The following FBH1 variants were observed in gnomAD, a reference collection of about 807,000 sequenced individuals.
FBH1 encodes the protein DNA 3'-5' helicase 1.
FBH1 carries 43 observed loss-of-function variants against 115.5 expected under a neutral mutation model. The ratio of observed to expected loss-of-function variants is 0.37; its 90% confidence interval spans 0.29 to 0.48. The LOEUF (loss-of-function observed/expected upper bound fraction) is 0.48. Among genes scored for constraint, FBH1 ranks in the 20% least tolerant of loss-of-function variants. The probability of loss-of-function intolerance (pLI) is 0.99; values close to 1 mark genes in which losing one functional copy is unlikely to be tolerated. For synonymous variants in FBH1, 524 were observed against 507.8 expected (o/e 1.03, Z -0.43); for missense variants, 1,001 against 1,337.3 (o/e 0.75, Z 3.92).
At position 5,936,439 on chromosome 10, in the gene FBH1, C is replaced by T. The variant is rs748973372; in HGVS notation, c.2830-17C>T. ...GAGGTGTCGCCATGACTCTCTTTCT[C>T]GCTCTTTCTTTCTCAGGAGTACTTC... is the stretch of plus-strand genomic sequence containing the variant. On this transcript the variant is annotated splice_polypyrimidine_tract_variant and intron_variant, in intron 19 of 20. Transcript: ENST00000362091. This position sits in a 1 kb window ranked among gnomAD's most constrained non-coding sequence, Gnocchi z 5.6. The T allele has an allele frequency of 5.0e-6, 8 of 1,612,172 alleles. No homozygotes were observed. The highest frequency in any genetic ancestry group is 1.1e-5 in the South Asian group (1 of 90,950).
At chr10:5,907,054 CCA>C (rs1843738973) in intron 3 of FBH1, among the ~76,000 whole-genome samples, 1 of 152,108 alleles carries the variant, frequency 6.6e-6, no homozygotes, top group Non-Finnish European at 1.5e-5. Context: ...CCTCTGCCTC[CCA>C]GGTTCAAGTG....
intron 1 of FBH1, chr10:5,893,835 G>C (rs1842865273): frequency 4.1e-6 from 1 of 244,368 alleles, no homozygotes; most frequent in Non-Finnish European, 6.6e-6. Flanking sequence ...AGTTTAAAAT[G>C]AATCTGGGAC....
chr10:5,907,833 G>A (rs977716608), intron 3 of FBH1, among the ~76,000 whole-genome samples: 1 of 152,154 alleles, frequency 6.6e-6, no homozygotes, highest in Non-Finnish European at 1.5e-5. Context: ...TTCTGCTATT[G>A]ATTTCTGGTT....
Position 5,923,599 on chromosome 10 carries a change from T to C in FBH1, c.2323-22T>C. 6.3e-7 allele frequency: 1 copy of C among 1,596,742 alleles called. No homozygotes were observed. ...ACAAAAAACAACAAAAAAACAAAAATCCCACCAAAAAACTTTTTCAGGGGA... is the reference window on the plus strand; with the variant it reads ...ACAAAAAACAACAAAAAAACAAAAACCCCACCAAAAAACTTTTTCAGGGGA... On this transcript the variant is annotated intron_variant, in intron 15 of 20. Coordinates refer to ENST00000362091, the MANE Select transcript of FBH1 (RefSeq NM_178150.3). The surrounding 1 kb of genome is among the most constrained non-coding windows in gnomAD (Gnocchi z 5.7).
Position 5,918,312 on chromosome 10 carries a change from G to A in FBH1, c.1964-30G>A, listed in dbSNP as rs776856720. On this transcript the variant is annotated intron_variant, in intron 12 of 20. Coordinates refer to ENST00000362091, the MANE Select transcript of FBH1 (RefSeq NM_178150.3). This position sits in a 1 kb window ranked among gnomAD's most constrained non-coding sequence, Gnocchi z 4.0. ...TGCTGCCTGGGGTGGAGGCCTCAAG[G>A]TTTCTCACTTTTCCTCTCGTTGGTT... The A allele has an allele frequency of 6.2e-7, 1 of 1,603,802 alleles. No homozygotes were observed. Among genetic ancestry groups the A allele is most frequent in the Non-Finnish European group, 8.5e-7 (1 of 1,177,520 alleles).
chr10:5,895,887 G>T lies in FBH1; in HGVS notation c.1+5541G>T, dbSNP rs1038674021. On this transcript the variant is annotated intron_variant, in intron 1 of 20. Coordinates refer to ENST00000362091, the MANE Select transcript of FBH1 (RefSeq NM_178150.3). This position sits in a 1 kb window ranked among gnomAD's most constrained non-coding sequence, Gnocchi z 5.0. The stretch of plus-strand genomic sequence containing the variant: ...GCGGTAAGGCGACATCCACCTGCAC[G>T]CAGGACTGGGAAGTATAGCCCAGCT... 1.4e-4 allele frequency among the ~76,000 whole-genome samples: 22 copies of T among 152,300 alleles called. No individual in the cohort carries two copies. Among genetic ancestry groups the T allele is most frequent in the African/African-American group, 5.1e-4 (21 of 41,558 alleles).
In FBH1 at chr10:5,906,295, G is replaced by T. The variant is rs1368233626; in HGVS notation, c.416G>T (p.Arg139Leu). 1.9e-6 allele frequency: 3 copies of T among 1,614,098 alleles called. No individual in the cohort carries two copies. Among genetic ancestry groups the T allele is most frequent in the Admixed American group, 3.3e-5 (2 of 60,012 alleles). Residue 139 changes from arginine (R) to leucine (L), a missense_variant, in exon 3 of 21, where the codon CGG becomes CTG. By Grantham distance (102) the Arg-to-Leu change is moderately radical. Coordinates refer to ENST00000362091, the MANE Select transcript of FBH1 (RefSeq NM_178150.3). This position sits in a 1 kb window ranked among gnomAD's most constrained non-coding sequence, Gnocchi z 7.3. ...EESNQATGTS[R>L]WDGVSKKAPR... ...AGTAACCAGGCTACCGGGACCAGCCGGTGGGATGGAGTTTCTAAGAAAGCT... is the reference window on the plus strand; with the variant it reads ...AGTAACCAGGCTACCGGGACCAGCCTGTGGGATGGAGTTTCTAAGAAAGCT...
chr10:5,915,817 A>T lies in FBH1; in HGVS notation c.1565+246A>T, dbSNP rs569545804. ...GTGTTCTCATGGAAGTGAGGCACAG[A>T]AAGTCAAAATGACTTGCTTAAAGTT... On this transcript the variant is annotated intron_variant, in intron 9 of 20. Coordinates refer to ENST00000362091, the MANE Select transcript of FBH1 (RefSeq NM_178150.3). The surrounding 1 kb of genome is among the most constrained non-coding windows in gnomAD (Gnocchi z 5.2). 190 of 529,742 alleles carry T rather than the reference A, an allele frequency of 3.6e-4. 2 individuals are homozygous for T. In the South Asian group the frequency reaches 4.3e-3, roughly 12 times the overall value. 32.8% of individuals were successfully genotyped at this position (529,742 alleles called of 1,614,324 possible).
In FBH1 at chr10:5,932,494, C is replaced by CAGA. The variant is rs1833021916; in HGVS notation, c.2830-3962_2830-3961insAGA. On this transcript the variant is annotated intron_variant, in intron 19 of 20. Transcript: ENST00000362091. The surrounding 1 kb of genome is among the most constrained non-coding windows in gnomAD (Gnocchi z 5.9). ...TCTTTATCAGCTCACAGAGCTCTCT[C>CAGA]GCCTCTTGGTCAGCTGCATAGTGTT... Among the ~76,000 whole-genome samples the CAGA allele has an allele frequency of 6.6e-6, 1 of 152,188 alleles. No individual in the cohort carries two copies. Among genetic ancestry groups the CAGA allele is most frequent in the African/African-American group, 2.4e-5 (1 of 41,446 alleles).
chr10:5,923,225 C>G lies in FBH1; in HGVS notation c.2323-396C>G, dbSNP rs895635521. 2.6e-5 allele frequency among the ~76,000 whole-genome samples: 4 copies of G among 152,162 alleles called. No homozygotes were observed. Among genetic ancestry groups the G allele is most frequent in the African/African-American group, 9.7e-5 (4 of 41,442 alleles). On this transcript the variant is annotated intron_variant, in intron 15 of 20. Transcript: ENST00000362091. This position sits in a 1 kb window ranked among gnomAD's most constrained non-coding sequence, Gnocchi z 5.7. ...AAGAAACAGTGGTAAATGTGCATAC[C>G]CAGCACTTTGTATTCAGGTGCCATT... is the stretch of plus-strand genomic sequence containing the variant.
rs751608992 is a variant in FBH1 at position 5,909,323 on chromosome 10, G to A, written c.1020+29G>A. The A allele has an allele frequency of 1.3e-6, 2 of 1,593,834 alleles. No homozygotes were observed. Among genetic ancestry groups the A allele is most frequent in the South Asian group, 2.2e-5 (2 of 90,034 alleles). The stretch of plus-strand genomic sequence containing the variant: ...GGTCTGGAGGCTGCGGGAGAAGGCG[G>A]CATGTTATTTCACTGGAGGAAAGTG... On this transcript the variant is annotated intron_variant, in intron 5 of 20. Coordinates refer to ENST00000362091, the MANE Select transcript of FBH1 (RefSeq NM_178150.3). This position sits in a 1 kb window ranked among gnomAD's most constrained non-coding sequence, Gnocchi z 4.4.
rs1453804755 is a variant in FBH1, at chr10:5,906,695, G to A, written c.753+63G>A. 1.2e-5 allele frequency: 15 copies of A among 1,295,368 alleles called. No individual in the cohort carries two copies. The highest frequency in any genetic ancestry group is 1.6e-5 in the Non-Finnish European group (15 of 934,054). 80.2% of individuals were successfully genotyped at this position (1,295,368 alleles called of 1,614,324 possible). On this transcript the variant is annotated intron_variant, in intron 3 of 20. Transcript: ENST00000362091. The surrounding 1 kb of genome is among the most constrained non-coding windows in gnomAD (Gnocchi z 7.3). ...AAGCACGTAACTTTGCTTAATGCAC[G>A]CTTATAATCAGAGGATCTTTTCAGA...
Position 5,935,786 on chromosome 10 carries a change from A to C in FBH1, c.2830-670A>C, listed in dbSNP as rs1181760678. 6.6e-6 allele frequency: 1 copy of C among 152,332 alleles called. No individual in the cohort carries two copies. The highest frequency in any genetic ancestry group is 2.4e-5 in the African/African-American group (1 of 41,464). The allele number at this position is 152,332 out of a possible 1,614,324, so 9.4% of individuals were successfully genotyped here. On this transcript the variant is annotated intron_variant, in intron 19 of 20. Transcript: ENST00000362091. This position sits in a 1 kb window ranked among gnomAD's most constrained non-coding sequence, Gnocchi z 5.2. ...ATGTGTGCGGTCCTGCTAGCATATC[A>C]GTCTGTGATGTGGAGCCCCACAGGG...
At position 5,936,309 on chromosome 10, in the gene FBH1, G is replaced by C. The variant is rs7893821; in HGVS notation, c.2830-147G>C. 0.044 allele frequency: 34,802 copies of C among 798,506 alleles called. 1,147 individuals are homozygous for C. The highest frequency in any genetic ancestry group is 0.12 in the East Asian group (4,462 of 36,434). The allele number at this position is 798,506 out of a possible 1,614,324, so 49.5% of individuals were successfully genotyped here. The stretch of plus-strand genomic sequence containing the variant: ...TGGAGGCAGGGAAAAGTTAGAGGAA[G>C]TAAGGGAGAACGGGTTAGGCGGGGT... On this transcript the variant is annotated intron_variant, in intron 19 of 20. Coordinates refer to ENST00000362091, the MANE Select transcript of FBH1 (RefSeq NM_178150.3). The surrounding 1 kb of genome is among the most constrained non-coding windows in gnomAD (Gnocchi z 5.6).
chr10:5,906,157 T>C lies in FBH1; in HGVS notation c.278T>C (p.Met93Thr). Residue 93 changes from methionine to threonine, a missense_variant, in exon 3 of 21, where the codon ATG (methionine) becomes ACG (threonine). Physicochemically the swap from Met to Thr is moderately conservative, Grantham distance 81 (BLOSUM62 -1). This residue lies in a region of FBH1 where 420 missense variants were observed against 430.4 expected (regional missense o/e 0.98). Transcript: ENST00000362091. The surrounding 1 kb of genome is among the most constrained non-coding windows in gnomAD (Gnocchi z 7.3). ...QDSCQDSEGD[M>T]IFPAESSCAL... ...AGCTGTCAGGACTCTGAGGGTGACA[T>C]GATCTTTCCTGCAGAGAGCAGCTGT... is the stretch of plus-strand genomic sequence containing the variant. The C allele has an allele frequency of 6.2e-7, 1 of 1,614,162 alleles. No homozygotes were observed. The highest frequency in any genetic ancestry group is 8.5e-7 in the Non-Finnish European group (1 of 1,180,022).
chr10:5,890,199 G>A, upstream of FBH1: 1 of 343,642 alleles, frequency 2.9e-6, no homozygotes, highest in Non-Finnish European at 5.5e-6. Flanking sequence ...GGCTGCGGCG[G>A]GGCGGAGCTC....
rs1832466945 is a variant in FBH1 at position 5,923,986 on chromosome 10, C to T, written c.2398+290C>T. 3.6e-6 allele frequency: 2 copies of T among 558,360 alleles called. No individual in the cohort carries two copies. Among genetic ancestry groups the T allele is most frequent in the Non-Finnish European group, 6.4e-6 (2 of 314,756 alleles). The allele number at this position is 558,360 out of a possible 1,614,324, so 34.6% of individuals were successfully genotyped here. On this transcript the variant is annotated intron_variant, in intron 16 of 20. Coordinates refer to ENST00000362091, the MANE Select transcript of FBH1 (RefSeq NM_178150.3). The surrounding 1 kb of genome is among the most constrained non-coding windows in gnomAD (Gnocchi z 5.7). Reference sequence around the variant, plus strand: ...GCCTGGGCCAATTTATACGTTGATACTTCCACGTGGGCCCCAAGTGATAGC... The same window carrying T: ...GCCTGGGCCAATTTATACGTTGATATTTCCACGTGGGCCCCAAGTGATAGC...
upstream of FBH1, chr10:5,890,002 T>C (rs934886447): frequency 1.3e-5 from 3 of 238,668 alleles, no homozygotes; most frequent in Non-Finnish European, 2.4e-5. Context: ...TCTGGGAAAG[T>C]TTCCCGCTCC....
chr10:5,914,209 C>T lies in FBH1; in HGVS notation c.1336C>T (p.Gln446Ter), dbSNP rs1382707884. ...KKTIQLTHEQQLILNHKMEPL... is the reference protein window; with the variant it reads ...KKTIQLTHEQ ...AACCATCCAACTTACACATGAACAA[C>T]AGCTGATTCTGAATCACAAGATGGA... The change falls in exon 8 of 21, where the codon CAG (glutamine) becomes TAG (stop). Residue 446 changes from glutamine to a stop codon, truncating the protein, a stop_gained. Transcript: ENST00000362091. LOFTEE classifies it high-confidence loss of function. The surrounding 1 kb of genome is among the most constrained non-coding windows in gnomAD (Gnocchi z 5.2). The T allele has an allele frequency of 8.7e-6, 14 of 1,614,204 alleles. No homozygotes were observed. Among genetic ancestry groups the T allele is most frequent in the Non-Finnish European group, 1.1e-5 (13 of 1,180,032 alleles).
Sources: allele counts gnomAD v4.1 joint callset (sites outside exome capture counted in the v4.1 genomes callset), GRCh38; gene constraint gnomAD v4.1.1; regional missense constraint gnomAD v4.1.1; non-coding constraint Gnocchi (gnomAD v3.1); transcripts MANE v1.5; gene names NCBI Gene and HGNC (gene_info 2026-07-23, HGNC 2026-07-21).